KLRG1: variants seen among roughly 807,000 people sequenced by gnomAD.
KLRG1 encodes killer cell lectin like receptor G1.
Under a neutral mutation model 21.8 loss-of-function variants are expected in KLRG1, and 16 were observed. That is an observed-to-expected ratio of 0.73 (90% CI 0.50 to 1.11). KLRG1 has a LOEUF of 1.11. Among genes scored for constraint, KLRG1 ranks in the 50% most tolerant of loss-of-function variants. The pLI, the probability that KLRG1 is intolerant of heterozygous loss-of-function variation, is 0.00. For missense variants in KLRG1, 173 were observed against 218.3 expected (o/e 0.79, Z 1.31); for synonymous variants, 69 against 75.9 (o/e 0.91, Z 0.47).
At chr12:9,070,338 AAC>A in the KLRG1 span, 2 of 630,916 alleles carry the variant, frequency 3.2e-6, no homozygotes, top group African/African-American at 1.8e-5. Context: ...CATTCATACA[AAC>A]ACATGTGATT....
At chr12:9,068,637 A>T in the KLRG1 span, 1 of 925,116 alleles carries the variant, frequency 1.1e-6, no homozygotes. Context: ...ATGAAGTGAT[A>T]ATGTAATTAC....
chr12:9,144,187 C>G, the KLRG1 span, among the ~76,000 whole-genome samples: 2 of 150,360 alleles, frequency 1.3e-5, no homozygotes, highest in South Asian at 4.2e-4. Flanking sequence ...GAGAGAGAGA[C>G]AGAGAGAGAC....
At chr12:9,111,642 G>A in the KLRG1 span, 2 of 412,852 alleles carry the variant, frequency 4.8e-6, no homozygotes, top group South Asian at 3.6e-5. Context: ...CTCTTTTTGA[G>A]ATAAGAAAAT....
At chr12:9,176,556 T>C in the KLRG1 span, among the ~76,000 whole-genome samples, 1 of 152,240 alleles carries the variant, frequency 6.6e-6, no homozygotes, top group Non-Finnish European at 1.5e-5. Context: ...TGCCATTATA[T>C]TGGATAGACC....
At chr12:8,983,513 G>A (rs1946792975) in intron 1 of KLRG1, among the ~76,000 whole-genome samples, 1 of 146,754 alleles carries the variant, frequency 6.8e-6, no homozygotes, top group Admixed American at 7.2e-5. Context: ...CGATTCTCCT[G>A]CTTCAGCCTC....
At chr12:9,015,749 A>G (rs1947691012), downstream of KLRG1, among the ~76,000 whole-genome samples, 1 of 152,230 alleles carries the variant, frequency 6.6e-6, no homozygotes, top group South Asian at 2.1e-4. Context: ...AGGATAGATC[A>G]TATGTTTGGT....
chr12:9,206,491 GT>G, the KLRG1 span, among the ~76,000 whole-genome samples: 1 of 152,120 alleles, frequency 6.6e-6, no homozygotes, highest in East Asian at 1.9e-4. Context: ...AATCATGAAT[GT>G]TTGCATTTTA....
chr12:9,095,823 A>G, the KLRG1 span: 12 of 751,862 alleles, frequency 1.6e-5, no homozygotes, highest in Admixed American at 7.1e-5. Flanking sequence ...GCAGTGGCGC[A>G]ATCTCGGCTC....
intron 1 of KLRG1, among the ~76,000 whole-genome samples, chr12:8,961,815 G>A (rs918232790): frequency 2.0e-5 from 3 of 152,188 alleles, no homozygotes; most frequent in Admixed American, 6.5e-5. Context: ...GCCAGGTGTG[G>A]TGGCTGTCGT....
chr12:9,168,715 C>T, the KLRG1 span: 83 of 626,130 alleles, frequency 1.3e-4, 1 homozygote, highest in East Asian at 2.0e-3. Context: ...TAGCTATCAC[C>T]AGCTAAGTCA....
At chr12:9,127,017 AG>A in the KLRG1 span, among the ~76,000 whole-genome samples, 1 of 152,190 alleles carries the variant, frequency 6.6e-6, no homozygotes, top group Non-Finnish European at 1.5e-5. Flanking sequence ...CATTCTTTCT[AG>A]GCGGTCTGTC....
At chr12:9,028,843 A>T in the KLRG1 span, 1 of 640,350 alleles carries the variant, frequency 1.6e-6, no homozygotes, top group Non-Finnish European at 2.9e-6. Flanking sequence ...TTGGTTCCAC[A>T]AATCTTCCAT....
At chr12:9,071,006 G>C in the KLRG1 span, among the ~76,000 whole-genome samples, 4 of 152,192 alleles carry the variant, frequency 2.6e-5, no homozygotes, top group East Asian at 5.8e-4. Context: ...TTTTAGTACA[G>C]ACGGGGTTTC....
At chr12:9,212,223 C>T in the KLRG1 span, among the ~76,000 whole-genome samples, 3 of 152,100 alleles carry the variant, frequency 2.0e-5, no homozygotes, top group African/African-American at 7.2e-5. Context: ...CCCACTGGGT[C>T]CCTGAGTGGG....
the KLRG1 span, among the ~76,000 whole-genome samples, chr12:9,024,838 T>C: frequency 6.6e-6 from 1 of 152,192 alleles, no homozygotes; most frequent in Non-Finnish European, 1.5e-5. Context: ...ATCTTTCCCT[T>C]GCTAGTAATG....
At chr12:9,161,233 C>CT in the KLRG1 span, 5 of 788,142 alleles carry the variant, frequency 6.3e-6, no homozygotes, top group Non-Finnish European at 9.8e-6. Flanking sequence ...ACTGGCCCTG[C>CT]TTTGTGACCT....
the KLRG1 span, chr12:9,165,295 G>T: frequency 8.1e-6 from 13 of 1,614,026 alleles, no homozygotes; most frequent in African/African-American, 1.5e-4. Flanking sequence ...CTTCGGACAG[G>T]CAGAAGGCCC....
At chr12:9,150,721 GA>G in the KLRG1 span, 2 of 1,612,580 alleles carry the variant, frequency 1.2e-6, no homozygotes. Context: ...AACCATGAAG[GA>G]AAAACTTAGC....
the KLRG1 span, among the ~76,000 whole-genome samples, chr12:9,125,661 C>T: frequency 6.6e-6 from 1 of 152,250 alleles, no homozygotes; most frequent in African/African-American, 2.4e-5. Flanking sequence ...TGGACTCTTT[C>T]CAAAGACTTT....
Sources: gnomAD v4.1 joint callset for allele counts (sites outside exome capture counted in the v4.1 genomes callset) on GRCh38, gnomAD v4.1.1 for gene constraint, MANE v1.5 for transcripts, NCBI Gene and HGNC (gene_info 2026-07-23, HGNC 2026-07-21) for gene names.